The following NT5M variants were observed in gnomAD, a reference collection of about 807,000 sequenced individuals.
The protein encoded by NT5M is 5',3'-nucleotidase, mitochondrial.
NT5M carries 22 observed loss-of-function variants against 22.2 expected under a neutral mutation model. That is an observed-to-expected ratio of 0.99 (90% CI 0.71 to 1.41). The LOEUF is 1.41. Among genes scored for constraint, NT5M ranks in the 40% most tolerant of loss-of-function variants. The pLI, the probability that NT5M is intolerant of heterozygous loss-of-function variation, is 0.00. For synonymous variants in NT5M, 167 were observed against 133.0 expected, an observed-to-expected ratio of 1.26 and a Z score of -1.76; for missense variants, 322 against 314.8, an observed-to-expected ratio of 1.02 and a Z score of -0.17.
chr17:17,345,651 A>AC (rs1491509037), intron 4 of NT5M, among the ~76,000 whole-genome samples: 3 of 145,742 alleles, frequency 2.1e-5, no homozygotes, highest in Non-Finnish European at 3.1e-5. Flanking sequence ...AAAAAAAAAA[A>AC]CACAAAAAAA....
In NT5M at chr17:17,315,956, T is replaced by C. The variant is rs375195900; in HGVS notation, c.369-7229T>C. ...TTTTTTAGTAGAGATGGCGTTTCAC[T>C]GTGTTAGCCAGAATGGTCTCGATCT... On this transcript the variant is annotated intron_variant, in intron 2 of 4. Coordinates refer to ENST00000389022, the MANE Select transcript of NT5M (RefSeq NM_020201.4). Among the ~76,000 whole-genome samples, 642 of 151,412 alleles carry C rather than the reference T, an allele frequency of 4.2e-3. 2 individuals are homozygous for C. Among genetic ancestry groups the C allele is most frequent in the African/African-American group, 0.015 (600 of 41,286 alleles).
intron 3 of NT5M, among the ~76,000 whole-genome samples, chr17:17,325,008 A>G (rs2049235483): frequency 6.6e-6 from 1 of 152,176 alleles, no homozygotes; most frequent in Non-Finnish European, 1.5e-5. Flanking sequence ...CAGAGTCAGC[A>G]TCCCTTGGAG....
At chr17:17,313,045 G>A (rs143048793) in intron 2 of NT5M, among the ~76,000 whole-genome samples, 2,807 of 152,048 alleles carry the variant, frequency 0.018, 92 homozygotes, top group African/African-American at 0.064. Flanking sequence ...TGAGGCGGGC[G>A]GATCACCTGA....
In NT5M at chr17:17,336,369, C is replaced by T. The variant is rs1322797116; in HGVS notation, c.430-8425C>T. Among the ~76,000 whole-genome samples the T allele has an allele frequency of 5.9e-5, 9 of 152,032 alleles. No individual in the cohort carries two copies. In the East Asian group the frequency reaches 1.5e-3, roughly 26 times the overall value. ...CCTTCTAGATACTCCTCCACTCCCC[C>T]TTCCCAGCCTCTACTAACCATCCTC... On this transcript the variant is annotated intron_variant, in intron 3 of 4. Coordinates refer to ENST00000389022, the MANE Select transcript of NT5M (RefSeq NM_020201.4).
chr17:17,346,608 C>T (rs796388206), intron 4 of NT5M, among the ~76,000 whole-genome samples, 197 bp from the exon 5 acceptor site: 10 of 152,362 alleles, frequency 6.6e-5, no homozygotes, highest in African/African-American at 1.9e-4. Context: ...ACTGGCTGCG[C>T]GTGCTGACGG....
intron 3 of NT5M, among the ~76,000 whole-genome samples, chr17:17,324,840 C>T (rs536991079): frequency 2.0e-4 from 30 of 152,296 alleles, no homozygotes; most frequent in Non-Finnish European, 3.2e-4. Flanking sequence ...CCACCATGGC[C>T]GGCCTTCGCT....
chr17:17,340,216 A>C (rs1485729323), intron 3 of NT5M, among the ~76,000 whole-genome samples: 1 of 152,166 alleles, frequency 6.6e-6, no homozygotes, highest in Non-Finnish European at 1.5e-5. Context: ...GGTAGATTGC[A>C]TGTATCTAGG....
At chr17:17,345,445 T>TTA (rs2049737547) in intron 4 of NT5M, 1 of 176,376 alleles carries the variant, frequency 5.7e-6, no homozygotes, top group Admixed American at 6.3e-5. Flanking sequence ...GGTGGATGGC[T>TTA]TGAGCCCAGG....
At chr17:17,345,416 A>T in intron 4 of NT5M, 1 of 256,052 alleles carries the variant, frequency 3.9e-6, no homozygotes, top group Non-Finnish European at 6.2e-6. Context: ...TCACGCCTGT[A>T]ATTTGGGAGG....
At chr17:17,324,329 C>T (rs1010168085) in intron 3 of NT5M, among the ~76,000 whole-genome samples, 5 of 151,280 alleles carry the variant, frequency 3.3e-5, no homozygotes, top group African/African-American at 4.8e-5. Context: ...ATTAAAAATA[C>T]GAAAATCAGC....
chr17:17,322,422 G>C (rs1214757694), intron 2 of NT5M, among the ~76,000 whole-genome samples: 3 of 152,132 alleles, frequency 2.0e-5, no homozygotes, highest in Non-Finnish European at 4.4e-5. Context: ...GAGAGGCTGA[G>C]TCTTTAGGAG....
chr17:17,331,822 C>T (rs2049393043), intron 3 of NT5M, among the ~76,000 whole-genome samples: 1 of 151,000 alleles, frequency 6.6e-6, no homozygotes, highest in Non-Finnish European at 1.5e-5. Context: ...GCTGTGTCAC[C>T]TAAGCTGGAG....
rs1457300178 is a variant in NT5M at position 17,303,503 on chromosome 17, C to T, written c.-48C>T. ...GAATGTCTGGCCGGCTCCGGCAGCACGGCGCGGCCCAGGTCCCCGCGCCCA... is the reference window on the plus strand; with the variant it reads ...GAATGTCTGGCCGGCTCCGGCAGCATGGCGCGGCCCAGGTCCCCGCGCCCA... On this transcript the variant is annotated 5_prime_UTR_variant, in exon 1 of 5. The change creates a new upstream start codon in the 5' untranslated region. Transcript: ENST00000389022. 1.0e-4 allele frequency: 102 copies of T among 1,022,518 alleles called. No homozygotes were observed. Among genetic ancestry groups the T allele is most frequent in the Non-Finnish European group, 1.2e-4 (101 of 855,444 alleles). 63.3% of individuals were successfully genotyped at this position (1,022,518 alleles called of 1,614,324 possible). A position where few individuals can be genotyped will look rare whatever the true frequency, so the allele number is the denominator to read the frequency against.
intron 1 of NT5M, chr17:17,304,600 A>T (rs1320693089): frequency 1.0e-5 from 2 of 192,046 alleles, no homozygotes; most frequent in East Asian, 3.7e-4. Context: ...GGAGGGTTTG[A>T]TAAAGAGGAG....
At chr17:17,326,415 A>G (rs1383104433) in intron 3 of NT5M, among the ~76,000 whole-genome samples, 1 of 152,304 alleles carries the variant, frequency 6.6e-6, no homozygotes, top group African/African-American at 2.4e-5. Context: ...TTTAAGAGGA[A>G]AGGGATGTCA....
intron 2 of NT5M, among the ~76,000 whole-genome samples, chr17:17,315,213 T>C (rs2048998465): frequency 6.6e-6 from 1 of 152,208 alleles, no homozygotes; most frequent in Non-Finnish European, 1.5e-5. Flanking sequence ...AACATGGTGC[T>C]CACTGTCGTG....
In NT5M at chr17:17,346,927, G is replaced by T; in HGVS notation, c.667G>T (p.Asp223Tyr). Residue 223 changes from aspartate (D) to tyrosine (Y), a missense_variant, in exon 5 of 5, where the codon GAC becomes TAC. Asp to Tyr is a radical substitution (Grantham distance 160). Coordinates refer to ENST00000389022, the MANE Select transcript of NT5M (RefSeq NM_020201.4). The part of the protein sequence containing the change: ...SWADDWKAIL[D>Y]SKRPC ...GGCGGACGACTGGAAGGCCATTCTG[G>T]ACAGCAAGCGGCCCTGCTGAGCTGG... is the stretch of plus-strand genomic sequence containing the variant. The T allele has an allele frequency of 6.2e-7, 1 of 1,611,348 alleles. No individual in the cohort carries two copies. Among genetic ancestry groups the T allele is most frequent in the Non-Finnish European group, 8.5e-7 (1 of 1,179,930 alleles).
At chr17:17,318,785 CAAAAAAAA>C (rs61422345) in intron 2 of NT5M, among the ~76,000 whole-genome samples, 1 of 40,244 alleles carries the variant, frequency 2.5e-5, no homozygotes, top group Non-Finnish European at 4.2e-5. Context: ...AACTCCGTCT[CAAAAAAAA>C]AAAAAAAAAA....
At chr17:17,308,408 A>G (rs11657817) in intron 2 of NT5M, among the ~76,000 whole-genome samples, 309 of 152,042 alleles carry the variant, frequency 2.0e-3, no homozygotes, top group Non-Finnish European at 3.6e-3. Context: ...CCTGGCCAAC[A>G]TGGTGAAACC....
Sources: gnomAD v4.1 joint callset for allele counts (sites outside exome capture counted in the v4.1 genomes callset) on GRCh38, gnomAD v4.1.1 for gene constraint, MANE v1.5 for transcripts, NCBI Gene and HGNC (gene_info 2026-07-23, HGNC 2026-07-21) for gene names.